RSF1: variants seen among roughly 807,000 people sequenced by gnomAD.
RSF1 encodes the protein remodeling and spacing factor 1, also known as HBV pX-associated protein 8.
A neutral mutation model predicts 145.2 loss-of-function variants in RSF1; 13 were observed. That is an observed-to-expected ratio of 0.09 (90% CI 0.06 to 0.14). The LOEUF is 0.14. Among genes scored for constraint, RSF1 ranks in the 10% least tolerant of loss-of-function variants. The probability of loss-of-function intolerance (pLI) is 1.00; values close to 1 mark genes in which losing one functional copy is unlikely to be tolerated. For synonymous variants in RSF1, 577 were observed against 592.6 expected, an observed-to-expected ratio of 0.97 and a Z score of 0.38; for missense variants, 1,517 against 1,718.2, an observed-to-expected ratio of 0.88 and a Z score of 2.07.
chr11:77,737,465 A>C (rs1462583276), intron 4 of RSF1, among the ~76,000 whole-genome samples: 5 of 144,756 alleles, frequency 3.5e-5, no homozygotes, highest in Admixed American at 2.8e-4. Flanking sequence ...AAAAAAAAAA[A>C]ACCAAAAAAC....
At chr11:77,848,504 C>T in the RSF1 span, among the ~76,000 whole-genome samples, 4 of 152,026 alleles carry the variant, frequency 2.6e-5, no homozygotes, top group South Asian at 8.3e-4. Context: ...ATTACAGGCA[C>T]CCACCACCTC....
chr11:77,822,998 G>A (rs2136017336), upstream of RSF1, among the ~76,000 whole-genome samples: 1 of 152,120 alleles, frequency 6.6e-6, no homozygotes, highest in Non-Finnish European at 1.5e-5. Context: ...GGCGGGTCAC[G>A]AGGTCAGGAG....
intron 5 of RSF1, among the ~76,000 whole-genome samples, chr11:77,716,656 G>A (rs906750634): frequency 2.6e-5 from 4 of 152,026 alleles, no homozygotes; most frequent in Non-Finnish European, 5.9e-5. Context: ...TTTCAGTTAC[G>A]AAGAGTAAGT....
intron 1 of RSF1, among the ~76,000 whole-genome samples, chr11:77,799,819 C>G: frequency 6.6e-6 from 1 of 152,038 alleles, no homozygotes; most frequent in Non-Finnish European, 1.5e-5. Context: ...GAAATGCAAG[C>G]AGGGATAGTA....
the RSF1 span, among the ~76,000 whole-genome samples, chr11:77,871,416 A>G: frequency 6.6e-6 from 1 of 152,258 alleles, no homozygotes; most frequent in East Asian, 1.9e-4. Flanking sequence ...TGACGGTGCG[A>G]TAAACAAGAC....
At chr11:77,683,509 G>A (rs1959921021) in intron 11 of RSF1, among the ~76,000 whole-genome samples, 1 of 151,060 alleles carries the variant, frequency 6.6e-6, no homozygotes, top group African/African-American at 2.4e-5. Flanking sequence ...TTCGAGACCA[G>A]CCTGGCCAAC....
At chr11:77,691,635 TA>T (rs1565149689) in intron 8 of RSF1, 1 of 156,530 alleles carries the variant, frequency 6.4e-6, no homozygotes. Flanking sequence ...AACTATTTTT[TA>T]AAAAAGGTGA....
the RSF1 span, among the ~76,000 whole-genome samples, chr11:77,854,927 A>T: frequency 7.2e-5 from 11 of 152,256 alleles, no homozygotes; most frequent in South Asian, 2.3e-3. Flanking sequence ...TCCTCTAAAA[A>T]CTAGGCAGAG....
intron 13 of RSF1, among the ~76,000 whole-genome samples, chr11:77,676,465 T>C (rs1959704678): frequency 1.3e-5 from 2 of 152,194 alleles, no homozygotes; most frequent in South Asian, 4.1e-4. Context: ...ATTTTTCACA[T>C]AGGACTGGAA....
intron 15 of RSF1, 98 bp downstream of exon 15, chr11:77,671,944 A>G (rs1959564251): frequency 8.8e-7 from 1 of 1,139,896 alleles, no homozygotes; most frequent in Non-Finnish European, 1.2e-6. Context: ...TGGTTATATG[A>G]GTTTCAAAGA....
intron 15 of RSF1, among the ~76,000 whole-genome samples, chr11:77,668,742 G>A (rs955753841): frequency 1.3e-5 from 2 of 152,132 alleles, no homozygotes; most frequent in African/African-American, 4.8e-5. Flanking sequence ...GAGGATATGG[G>A]TAGGTTATAT....
chr11:77,812,998 T>C (rs1211611655), intron 1 of RSF1, among the ~76,000 whole-genome samples: 2 of 151,808 alleles, frequency 1.3e-5, no homozygotes, highest in East Asian at 3.9e-4. Context: ...ATTCTAAGCA[T>C]AACTTTTAAT....
rs748015275 is a variant in RSF1 at position 77,702,203 on chromosome 11, C to T, written c.1026G>A (p.Lys342=). The T allele has an allele frequency of 2.5e-6, 4 of 1,614,048 alleles. No homozygotes were observed. The highest frequency in any genetic ancestry group is 2.2e-5 in the East Asian group (1 of 44,874). Residue 342 remains lysine (K), a synonymous_variant, in exon 6 of 16, where the codon AAG becomes AAA. Transcript: ENST00000308488. ...TCCTTTCAGGCTCCTGTGCCACTGG[C>T]TTCTCCATGCTACTTTTGGTATCTT... ...DPKDTKSSME[K]PVAQEPERIE... is the part of the protein sequence containing the mutation.
At chr11:77,672,325 A>G in intron 14 of RSF1, 95 bp from the exon 15 acceptor site, 2 of 970,974 alleles carry the variant, frequency 2.1e-6, no homozygotes, top group South Asian at 1.8e-5. Flanking sequence ...AGCAGAGTTC[A>G]GTCATAAATA....
intron 13 of RSF1, among the ~76,000 whole-genome samples, chr11:77,675,960 C>T (rs1242266709): frequency 6.6e-6 from 1 of 152,206 alleles, no homozygotes; most frequent in African/African-American, 2.4e-5. Context: ...TAATCTGGCT[C>T]TTTTTATCAC....
At chr11:77,735,063 G>T (rs537943264) in intron 4 of RSF1, 3 of 1,182,806 alleles carry the variant, frequency 2.5e-6, no homozygotes, top group Non-Finnish European at 3.7e-6. Context: ...GGTGGCAGTG[G>T]CTGCGTGGCG....
At chr11:77,689,406 A>C (rs141740418) in intron 9 of RSF1, among the ~76,000 whole-genome samples, 1 of 152,218 alleles carries the variant, frequency 6.6e-6, no homozygotes, top group Non-Finnish European at 1.5e-5. Context: ...ACAAAAATCT[A>C]TCTCCTACCA....
At chr11:77,774,094 T>C (rs1415781456) in intron 1 of RSF1, among the ~76,000 whole-genome samples, 1 of 152,238 alleles carries the variant, frequency 6.6e-6, no homozygotes, top group Non-Finnish European at 1.5e-5. Flanking sequence ...CTTCTATCTC[T>C]TCTTCTTTCT....
At chr11:77,731,860 C>G (rs571467020) in intron 4 of RSF1, among the ~76,000 whole-genome samples, 3 of 152,234 alleles carry the variant, frequency 2.0e-5, no homozygotes, top group African/African-American at 7.2e-5. Context: ...GCAGAAGTTT[C>G]CTGCAGGGGT....
Sources: allele counts gnomAD v4.1 joint callset (sites outside exome capture counted in the v4.1 genomes callset), GRCh38; gene constraint gnomAD v4.1.1; transcripts MANE v1.5; gene names NCBI Gene and HGNC (gene_info 2026-07-23, HGNC 2026-07-21).